The following PDZRN4 variants were observed in gnomAD, a reference collection of about 807,000 sequenced individuals.
The protein encoded by PDZRN4 is PDZ domain containing ring finger 4, also known as PDZ domain-containing RING finger protein 4.
In PDZRN4, 70 loss-of-function variants were observed where a neutral mutation model predicts 99.0. That is an observed-to-expected ratio of 0.71 (90% CI 0.58 to 0.86). The LOEUF (loss-of-function observed/expected upper bound fraction) is 0.86, where lower values mean the gene tolerates loss of function less well. PDZRN4 is among the 40% of genes least tolerant of loss of function. The pLI, the probability that PDZRN4 is intolerant of heterozygous loss-of-function variation, is 0.00. For synonymous variants in PDZRN4, 551 were observed against 501.6 expected (o/e 1.10, Z -1.32); for missense variants, 1,474 against 1,331.2 (o/e 1.11, Z -1.67).
chr12:41,402,937 T>C (rs760166488), intron 3 of PDZRN4, among the ~76,000 whole-genome samples: 26 of 151,882 alleles, frequency 1.7e-4, no homozygotes, highest in Non-Finnish European at 3.5e-4. Context: ...TGGTATCAAA[T>C]TTAGGGAATT....
intron 3 of PDZRN4, among the ~76,000 whole-genome samples, chr12:41,310,741 T>A (rs1951601120): frequency 6.6e-6 from 1 of 152,244 alleles, no homozygotes; most frequent in Non-Finnish European, 1.5e-5. Flanking sequence ...TCTAAAACAC[T>A]ACCATGTTGT....
At chr12:41,206,780 C>T (rs1950853894) in intron 3 of PDZRN4, among the ~76,000 whole-genome samples, 1 of 151,832 alleles carries the variant, frequency 6.6e-6, no homozygotes, top group South Asian at 2.1e-4. Context: ...TTTAAATACA[C>T]ATCTATCACA....
intron 3 of PDZRN4, among the ~76,000 whole-genome samples, chr12:41,407,282 C>A (rs1952357032): frequency 2.6e-5 from 4 of 152,080 alleles, no homozygotes; most frequent in Admixed American, 1.3e-4. Context: ...CCCTTCCTTT[C>A]TTTATAAGAA....
chr12:41,439,521 A>G (rs1476176787), intron 3 of PDZRN4, among the ~76,000 whole-genome samples: 1 of 152,160 alleles, frequency 6.6e-6, no homozygotes, highest in Non-Finnish European at 1.5e-5. Context: ...GATTATGCCT[A>G]GGTTAAGCTG....
rs141154772 is a variant in PDZRN4, at chr12:41,538,113, A to G, written c.1204-14543A>G. ...ATTATTTATTTTATTAAGGATAAAT[A>G]TTTGTATTTTAAAATAATGCTTATT... On this transcript the variant is annotated intron_variant, in intron 5 of 9. Transcript: ENST00000402685. Among the ~76,000 whole-genome samples the G allele has an allele frequency of 7.0e-3, 1,070 of 152,308 alleles. 19 individuals carry two copies. The highest frequency in any genetic ancestry group is 0.025 in the African/African-American group (1,030 of 41,572).
chr12:41,230,422 G>A (rs780489741), intron 3 of PDZRN4, among the ~76,000 whole-genome samples: 5 of 151,948 alleles, frequency 3.3e-5, no homozygotes, highest in Non-Finnish European at 7.4e-5. Flanking sequence ...TAGTAACTGC[G>A]TCTTCTGTTA....
At chr12:41,227,722 G>A (rs1375966809) in intron 3 of PDZRN4, among the ~76,000 whole-genome samples, 1 of 151,998 alleles carries the variant, frequency 6.6e-6, no homozygotes, top group Non-Finnish European at 1.5e-5. Flanking sequence ...GATCTCTAGT[G>A]TGACCATGTG....
At chr12:41,348,174 A>G (rs1034332904) in intron 3 of PDZRN4, among the ~76,000 whole-genome samples, 1 of 152,162 alleles carries the variant, frequency 6.6e-6, no homozygotes, top group African/African-American at 2.4e-5. Context: ...GTAAAAATCA[A>G]GTAAATCATT....
At chr12:41,275,001 C>T (rs987383486) in intron 3 of PDZRN4, among the ~76,000 whole-genome samples, 2 of 152,064 alleles carry the variant, frequency 1.3e-5, no homozygotes, top group Admixed American at 6.6e-5. Context: ...GGGTCAGTGT[C>T]GGACTAGGCA....
intron 3 of PDZRN4, among the ~76,000 whole-genome samples, chr12:41,375,590 T>C (rs1050332752): frequency 2.0e-5 from 3 of 152,114 alleles, no homozygotes; most frequent in Admixed American, 6.6e-5. Context: ...TTTTTAAATA[T>C]TCTGTTTCAT....
rs150152496 is a variant in PDZRN4 at position 41,454,862 on chromosome 12, G to A, written c.844-51594G>A. ...AACACTTTCCAATAGAAATATCTGC[G>A]ATAATGGAAATATTCTATATTTGTT... is the stretch of plus-strand genomic sequence containing the variant. On this transcript the variant is annotated intron_variant, in intron 3 of 9. Transcript: ENST00000402685. Among the ~76,000 whole-genome samples the A allele has an allele frequency of 3.5e-3, 530 of 152,286 alleles. 2 individuals are homozygous for A. Among genetic ancestry groups the A allele is most frequent in the African/African-American group, 0.012 (498 of 41,542 alleles).
chr12:41,337,218 T>A (rs1008031845), intron 3 of PDZRN4, among the ~76,000 whole-genome samples: 10 of 152,116 alleles, frequency 6.6e-5, no homozygotes, highest in Admixed American at 6.6e-5. Context: ...GTCTGATTTT[T>A]TTCACTGTCA....
intron 3 of PDZRN4, among the ~76,000 whole-genome samples, chr12:41,408,778 C>CTGTCT (rs1952368470): frequency 6.6e-6 from 1 of 151,482 alleles, no homozygotes; most frequent in South Asian, 2.1e-4. Context: ...CTCTCTCTCT[C>CTGTCT]TGTCTTCTCT....
intron 3 of PDZRN4, among the ~76,000 whole-genome samples, chr12:41,344,495 T>C (rs1951838644): frequency 6.6e-6 from 1 of 151,752 alleles, no homozygotes; most frequent in Admixed American, 6.6e-5. Flanking sequence ...TGTTTTCAAA[T>C]GTATTCTTAA....
At chr12:41,549,308 G>A (rs1939014348) in intron 5 of PDZRN4, among the ~76,000 whole-genome samples, 1 of 152,206 alleles carries the variant, frequency 6.6e-6, no homozygotes, top group Non-Finnish European at 1.5e-5. Flanking sequence ...AGGCTTGTGT[G>A]TCCTGTGAAG....
intron 3 of PDZRN4, among the ~76,000 whole-genome samples, chr12:41,337,273 T>G (rs184452725): frequency 2.0e-4 from 30 of 152,164 alleles, no homozygotes; most frequent in African/African-American, 7.2e-4. Flanking sequence ...TCAATGTGAC[T>G]AGGGGGATTT....
chr12:41,242,489 C>G (rs777054029), intron 3 of PDZRN4, among the ~76,000 whole-genome samples: 1 of 152,202 alleles, frequency 6.6e-6, no homozygotes, highest in Admixed American at 6.5e-5. Flanking sequence ...ACTATCCACA[C>G]AATCTCTGAT....
intron 3 of PDZRN4, among the ~76,000 whole-genome samples, chr12:41,443,625 G>A (rs987422012): frequency 7.9e-5 from 12 of 152,090 alleles, no homozygotes; most frequent in African/African-American, 2.7e-4. Flanking sequence ...TACAACAAGC[G>A]AAACCAACCA....
At chr12:41,285,058 G>C (rs1591997423) in intron 3 of PDZRN4, among the ~76,000 whole-genome samples, 2 of 152,210 alleles carry the variant, frequency 1.3e-5, no homozygotes, top group East Asian at 1.9e-4. Context: ...ACTATCATCA[G>C]AGTGAACAGG....
Sources: allele counts gnomAD v4.1 joint callset (sites outside exome capture counted in the v4.1 genomes callset), GRCh38; gene constraint gnomAD v4.1.1; transcripts MANE v1.5; gene names NCBI Gene and HGNC (gene_info 2026-07-23, HGNC 2026-07-21).